The following MMS22L variants were observed in gnomAD, a reference collection of about 807,000 sequenced individuals.
MMS22L encodes the protein protein MMS22-like.
In MMS22L, 74 loss-of-function variants were observed where a neutral mutation model predicts 159.1. The observed-to-expected ratio is 0.47, with a 90% confidence interval of 0.39 to 0.56. The LOEUF (loss-of-function observed/expected upper bound fraction) is 0.56, where lower values mean the gene tolerates loss of function less well. Ranked by LOEUF, MMS22L falls within the 20% of genes least tolerant of loss-of-function variation. The pLI is 0.00. For missense variants in MMS22L, 1,351 were observed against 1,422.1 expected, an observed-to-expected ratio of 0.95 and a Z score of 0.80; for synonymous variants, 517 against 506.9, an observed-to-expected ratio of 1.02 and a Z score of -0.27.
At chr6:97,211,954 T>C (rs1808424891) in intron 14 of MMS22L, among the ~76,000 whole-genome samples, 1 of 152,218 alleles carries the variant, frequency 6.6e-6, no homozygotes, top group African/African-American at 2.4e-5. Flanking sequence ...CTATCATCTA[T>C]ATGACATAGT....
In MMS22L at chr6:97,228,021, G is replaced by C. The variant is rs927379417; in HGVS notation, c.2039+873C>G. ...TCTATGTTAATTTCAGAGCAAACTG[G>C]TTTATTTCAAAGCATTTGATGCAGC... On this transcript the variant is annotated intron_variant, in intron 14 of 24. Transcript: ENST00000683635. Among the ~76,000 whole-genome samples the C allele has an allele frequency of 2.6e-5, 4 of 152,156 alleles. No individual in the cohort carries two copies. In the East Asian group the frequency reaches 7.7e-4, roughly 29 times the overall value.
At chr6:97,153,515 G>C (rs1430452051) in intron 22 of MMS22L, among the ~76,000 whole-genome samples, 1 of 151,784 alleles carries the variant, frequency 6.6e-6, no homozygotes, top group African/African-American at 2.4e-5. Context: ...GGGATTACAA[G>C]TGCATGCCAC....
At chr6:97,281,964 A>G (rs1479361703) in intron 2 of MMS22L, among the ~76,000 whole-genome samples, 1 of 152,244 alleles carries the variant, frequency 6.6e-6, no homozygotes, top group Non-Finnish European at 1.5e-5. Flanking sequence ...TCTCTTAAAT[A>G]TTACTGGAAA....
At chr6:97,234,810 C>A (rs777895788) in intron 11 of MMS22L, among the ~76,000 whole-genome samples, 1 of 152,086 alleles carries the variant, frequency 6.6e-6, no homozygotes, top group Non-Finnish European at 1.5e-5. Flanking sequence ...AATGGAAAAG[C>A]CTTTTGAAGG....
intron 14 of MMS22L, among the ~76,000 whole-genome samples, 191 bp downstream of exon 14, chr6:97,228,703 A>G (rs1810515765): frequency 6.6e-6 from 1 of 152,182 alleles, no homozygotes; most frequent in Non-Finnish European, 1.5e-5. Flanking sequence ...CTTTTCATAT[A>G]ATAGCATTTT....
chr6:97,241,997 A>T (rs533755346), intron 11 of MMS22L, among the ~76,000 whole-genome samples: 86 of 152,240 alleles, frequency 5.6e-4, no homozygotes, highest in African/African-American at 1.9e-3. Flanking sequence ...TTTTTTAAAA[A>T]TTATTGAGAC....
At position 97,231,660 on chromosome 6, in the gene MMS22L, G is replaced by C; in HGVS notation, c.1303-8C>G. The C allele has an allele frequency of 6.7e-7, 1 of 1,501,672 alleles. No individual in the cohort carries two copies. Among genetic ancestry groups the C allele is most frequent in the Admixed American group, 2.0e-5 (1 of 50,808 alleles). The allele number at this position is 1,501,672 out of a possible 1,614,324, so 93.0% of individuals were successfully genotyped here. A position where few individuals can be genotyped will look rare whatever the true frequency, so the allele number is the denominator to read the frequency against. On this transcript the variant is annotated splice_region_variant and splice_polypyrimidine_tract_variant and intron_variant, in intron 12 of 24. Transcript: ENST00000683635. Reference sequence around the variant, plus strand: ...AATACTGAAGGAACTATTCTAAAAGGGGGGAAAAAAAAGATAGAAAACAAT... The same window carrying C: ...AATACTGAAGGAACTATTCTAAAAGCGGGGAAAAAAAAGATAGAAAACAAT...
chr6:97,263,177 A>G (rs1814681813), intron 9 of MMS22L, among the ~76,000 whole-genome samples, 158 bp downstream of exon 9: 1 of 152,206 alleles, frequency 6.6e-6, no homozygotes. Context: ...TTAGGGTTAA[A>G]AATAAAGTAG....
chr6:97,151,949 G>C, intron 22 of MMS22L, 82 bp from the exon 23 acceptor site: 2 of 989,674 alleles, frequency 2.0e-6, no homozygotes, highest in Non-Finnish European at 3.1e-6. Flanking sequence ...TCTTGATTTA[G>C]AAAAATATGT....
chr6:97,242,475 T>G (rs186439103), intron 11 of MMS22L, among the ~76,000 whole-genome samples: 1 of 152,336 alleles, frequency 6.6e-6, no homozygotes, highest in Admixed American at 6.5e-5. Flanking sequence ...TTACCTTAAG[T>G]TATGAGTCCT....
chr6:97,273,237 C>G, intron 4 of MMS22L, 175 bp from the exon 5 acceptor site: 2 of 592,108 alleles, frequency 3.4e-6, no homozygotes, highest in South Asian at 2.1e-5. Flanking sequence ...ATTAAAGTCA[C>G]CAATCACACC....
chr6:97,191,814 T>G (rs937059041), intron 14 of MMS22L, among the ~76,000 whole-genome samples: 1 of 152,200 alleles, frequency 6.6e-6, no homozygotes, highest in African/African-American at 2.4e-5. Context: ...TCTGCCTTAT[T>G]ATCCAGGAAG....
chr6:97,162,069 G>A lies in MMS22L; in HGVS notation c.3318C>T (p.Asp1106=). ...ILQLFKETNT[D]IYEVELLLPG... ...GGAGGAGTAGTTCAACTTCATAAATGTCTGTGTTAGTTTCCTTGAAGAGTT... is the reference window on the plus strand; with the variant it reads ...GGAGGAGTAGTTCAACTTCATAAATATCTGTGTTAGTTTCCTTGAAGAGTT... The change falls in exon 22 of 25, where the codon GAC becomes GAT. Residue 1106 remains aspartate, a synonymous_variant. Coordinates refer to ENST00000683635, the MANE Select transcript of MMS22L (RefSeq NM_001350599.2). The A allele has an allele frequency of 1.2e-6, 2 of 1,612,286 alleles. No homozygotes were observed. The highest frequency in any genetic ancestry group is 1.7e-6 in the Non-Finnish European group (2 of 1,179,028).
intron 14 of MMS22L, among the ~76,000 whole-genome samples, chr6:97,201,513 C>A (rs968924652): frequency 3.3e-5 from 5 of 152,144 alleles, no homozygotes; most frequent in African/African-American, 1.2e-4. Flanking sequence ...TTTATTAGAT[C>A]GAACCCACCA....
chr6:97,150,074 G>A, intron 23 of MMS22L, 54 bp from the exon 24 acceptor site: 1 of 1,468,144 alleles, frequency 6.8e-7, no homozygotes, highest in Non-Finnish European at 9.4e-7. Flanking sequence ...TCCTTGTGTT[G>A]GTATCTACGT....
chr6:97,209,645 A>G (rs1414211516), intron 14 of MMS22L, among the ~76,000 whole-genome samples: 2 of 152,034 alleles, frequency 1.3e-5, no homozygotes, highest in African/African-American at 4.8e-5. Context: ...GTAATCAACT[A>G]TGACATAGTT....
intron 14 of MMS22L, among the ~76,000 whole-genome samples, chr6:97,206,479 A>G (rs1807800135): frequency 6.6e-6 from 1 of 152,064 alleles, no homozygotes; most frequent in Non-Finnish European, 1.5e-5. Context: ...ATAAGCACTA[A>G]ATTAACATGC....
intron 14 of MMS22L, among the ~76,000 whole-genome samples, chr6:97,226,690 A>G (rs1034021481): frequency 2.6e-5 from 4 of 152,042 alleles, no homozygotes; most frequent in African/African-American, 9.7e-5. Flanking sequence ...ATAAAAATAC[A>G]TATATAGTGT....
intron 15 of MMS22L, among the ~76,000 whole-genome samples, chr6:97,184,471 C>T (rs1209293): frequency 0.56 from 84,285 of 151,778 alleles, 24,488 homozygotes; most frequent in African/African-American, 0.73. Context: ...ACTTAACATG[C>T]CTACTTGGAT....
Sources: allele counts gnomAD v4.1 joint callset (sites outside exome capture counted in the v4.1 genomes callset), GRCh38; gene constraint gnomAD v4.1.1; transcripts MANE v1.5; gene names NCBI Gene and HGNC (gene_info 2026-07-23, HGNC 2026-07-21).